The following THEM6 variants were observed in gnomAD, a reference collection of about 807,000 sequenced individuals.
The protein encoded by THEM6 is protein THEM6.
A neutral mutation model predicts 13.7 loss-of-function variants in THEM6; 10 were observed. The observed-to-expected ratio is 0.73, with a 90% CI of 0.45 to 1.24. THEM6 has a LOEUF of 1.24. THEM6 is among the 50% of genes most tolerant of loss of function. The probability of loss-of-function intolerance (pLI) is 0.00; values close to 1 mark genes in which losing one functional copy is unlikely to be tolerated. For missense variants in THEM6, 317 were observed against 312.6 expected (o/e 1.01, Z -0.11); for synonymous variants, 161 against 156.0 (o/e 1.03, Z -0.24).
chr8:142,728,376 T>C (rs587772082), intron 1 of THEM6, among the ~76,000 whole-genome samples: 2 of 152,330 alleles, frequency 1.3e-5, no homozygotes, highest in African/African-American at 4.8e-5. Flanking sequence ...CTTCTGGCCT[T>C]TCTGCAGTTG....
chr8:142,733,361 TTAA>T (rs1195050983), intron 1 of THEM6, among the ~76,000 whole-genome samples: 1 of 152,234 alleles, frequency 6.6e-6, no homozygotes, highest in Non-Finnish European at 1.5e-5. Context: ...TAGCAGATAT[TTAA>T]TAATGTTAGC....
intron 1 of THEM6, among the ~76,000 whole-genome samples, 184 bp downstream of exon 1, chr8:142,728,043 C>T (rs1163825617): frequency 2.0e-5 from 3 of 152,172 alleles, no homozygotes; most frequent in Non-Finnish European, 4.4e-5. Context: ...CTCACTGATG[C>T]CTTTGTTCGT....
At position 142,732,909 on chromosome 8, in the gene THEM6, C is replaced by T. The variant is rs587598628; in HGVS notation, c.514-2417C>T. On this transcript the variant is annotated intron_variant, in intron 1 of 1. Transcript: ENST00000336138. ...CAAATTGTTTGAAATGCTTGTTCCC[C>T]GGTGCCGTAAAGAAACAGCAGTTGA... Among the ~76,000 whole-genome samples, 9 of 152,224 alleles carry T rather than the reference C, an allele frequency of 5.9e-5. No homozygotes were observed. The East Asian group carries it at 7.7e-4, about 13-fold the overall frequency.
At chr8:142,730,279 G>A (rs1234478840) in intron 1 of THEM6, among the ~76,000 whole-genome samples, 1 of 152,142 alleles carries the variant, frequency 6.6e-6, no homozygotes, top group African/African-American at 2.4e-5. Flanking sequence ...ATAAAATAGG[G>A]TTCTTCCCAG....
intron 1 of THEM6, among the ~76,000 whole-genome samples, chr8:142,731,220 C>G (rs1217590393): frequency 6.6e-6 from 1 of 152,144 alleles, no homozygotes; most frequent in Admixed American, 6.5e-5. Flanking sequence ...GCATGATACC[C>G]CTTTAGCTTT....
At position 142,727,297 on chromosome 8, in the gene THEM6, C is replaced by T. The variant is rs587607962; in HGVS notation, c.-50C>T. ...GCACCGTAACCAGCGCCGCGGACAC[C>T]GGCACCGGCGCCACGGACTCCGCAG... On this transcript the variant is annotated 5_prime_UTR_variant, in exon 1 of 2. Coordinates refer to ENST00000336138, the MANE Select transcript of THEM6 (RefSeq NM_016647.3). 38 of 1,421,250 alleles carry T rather than the reference C, an allele frequency of 2.7e-5. No individual in the cohort carries two copies. The highest frequency in any genetic ancestry group is 3.4e-5 in the Non-Finnish European group (37 of 1,096,592). 88.0% of individuals were successfully genotyped at this position (1,421,250 alleles called of 1,614,324 possible). A position where few individuals can be genotyped will look rare whatever the true frequency, so the allele number is the denominator to read the frequency against.
chr8:142,735,285 G>C (rs1386248847), intron 1 of THEM6, 41 bp from the exon 2 acceptor site: 2 of 1,451,544 alleles, frequency 1.4e-6, no homozygotes, highest in African/African-American at 2.8e-5. Context: ...GAGGTGGGAA[G>C]GCCGTAGCTT....
intron 1 of THEM6, among the ~76,000 whole-genome samples, chr8:142,731,420 T>A (rs187020780): frequency 6.0e-4 from 91 of 152,352 alleles, no homozygotes; most frequent in Admixed American, 1.1e-3. Context: ...TGTTTTTTTT[T>A]AAATAATTTT....
In THEM6 at chr8:142,735,316, T is replaced by A. The variant is rs760630228; in HGVS notation, c.514-10T>A. On this transcript the variant is annotated splice_polypyrimidine_tract_variant and intron_variant, in intron 1 of 1. Coordinates refer to ENST00000336138, the MANE Select transcript of THEM6 (RefSeq NM_016647.3). Reference sequence around the variant, plus strand: ...AGCTTAGCTGGGTGTCCCCTTTCTGTCCTCTGCAGGTGGAGCCCCCTGAGC... The same window carrying A: ...AGCTTAGCTGGGTGTCCCCTTTCTGACCTCTGCAGGTGGAGCCCCCTGAGC... 1 of 1,549,230 alleles carries A rather than the reference T, an allele frequency of 6.5e-7. No homozygotes were observed. The highest frequency in any genetic ancestry group is 1.7e-4 in the Middle Eastern group (1 of 5,978).
chr8:142,728,974 C>CT (rs1815584874), intron 1 of THEM6, among the ~76,000 whole-genome samples: 1 of 125,512 alleles, frequency 8.0e-6, no homozygotes, highest in African/African-American at 3.0e-5. Context: ...GATTCTCACT[C>CT]TGTCGCCCAG....
In THEM6 at chr8:142,727,761, A is replaced by C; in HGVS notation, c.415A>C (p.Ser139Arg). ...GTTCTACCTGGAGGCGCGCTTTGTC[A>C]GCCTGCGGGACGGCTTCGTGTGCGC... is the stretch of plus-strand genomic sequence containing the variant. ...RAFYLEARFVSLRDGFVCALL... is the reference protein window; with the variant it reads ...RAFYLEARFVRLRDGFVCALL... The change falls in exon 1 of 2, where the codon AGC becomes CGC. Residue 139 changes from serine (S) to arginine (R), a missense_variant. Coordinates refer to ENST00000336138, the MANE Select transcript of THEM6 (RefSeq NM_016647.3). The C allele has an allele frequency of 6.9e-7, 1 of 1,454,308 alleles. No homozygotes were observed. The highest frequency in any genetic ancestry group is 1.4e-5 in the South Asian group (1 of 72,926). The allele number at this position is 1,454,308 out of a possible 1,614,324, so 90.1% of individuals were successfully genotyped here.
rs781977021 is a variant in THEM6, at chr8:142,727,752, C to T, written c.406C>T (p.Arg136Cys). The T allele has an allele frequency of 2.5e-5, 37 of 1,452,176 alleles. No homozygotes were observed. In the East Asian group the frequency reaches 9.8e-4, roughly 38 times the overall value. The allele number at this position is 1,452,176 out of a possible 1,614,324, so 90.0% of individuals were successfully genotyped here. The change falls in exon 1 of 2, where the codon CGC becomes TGC. Residue 136 changes from arginine to cysteine, a missense_variant. Coordinates refer to ENST00000336138, the MANE Select transcript of THEM6 (RefSeq NM_016647.3). ...CGACCGCGCGTTCTACCTGGAGGCG[C>T]GCTTTGTCAGCCTGCGGGACGGCTT... ...WDDRAFYLEA[R>C]FVSLRDGFVC... is the part of the protein sequence containing the mutation.
Position 142,727,818 on chromosome 8 carries a change from A to G in THEM6, c.472A>G (p.Thr158Ala). Residue 158 changes from threonine to alanine, a missense_variant, in exon 1 of 2, where the codon ACC becomes GCC. Transcript: ENST00000336138. ...GCGCTTCCGGCAGCACCTGCTGGGC[A>G]CCTCACCCGAGCGCGTCGTGCAGCA... is the stretch of plus-strand genomic sequence containing the variant. ...LLRFRQHLLGTSPERVVQHLC... is the reference protein window; with the variant it reads ...LLRFRQHLLGASPERVVQHLC... 1 of 1,462,172 alleles carries G rather than the reference A, an allele frequency of 6.8e-7. No homozygotes were observed. The highest frequency in any genetic ancestry group is 1.3e-5 in the South Asian group (1 of 74,588). 90.6% of individuals were successfully genotyped at this position (1,462,172 alleles called of 1,614,324 possible).
rs76135265 is a variant in THEM6 at position 142,727,605 on chromosome 8, G to A, written c.259G>A (p.Val87Met). ...ARVAHLTRCGVLGALRELRAH... is the reference protein window; with the variant it reads ...ARVAHLTRCGMLGALRELRAH... The stretch of plus-strand genomic sequence containing the variant: ...CGTCGCGCACCTGACCCGCTGCGGG[G>A]TGCTCGGGGCGCTGAGGGAGTTGCG... Residue 87 changes from valine (V) to methionine (M), a missense_variant, in exon 1 of 2, where the codon GTG becomes ATG. Transcript: ENST00000336138. The A allele has an allele frequency of 6.3e-5, 95 of 1,509,590 alleles. No individual in the cohort carries two copies. The African/African-American group carries it at 1.3e-3, about 20-fold the overall frequency. 93.5% of individuals were successfully genotyped at this position (1,509,590 alleles called of 1,614,324 possible). A position where few individuals can be genotyped will look rare whatever the true frequency, so the allele number is the denominator to read the frequency against.
At chr8:142,727,982 G>A in intron 1 of THEM6, 123 bp downstream of exon 1, 1 of 1,154,528 alleles carries the variant, frequency 8.7e-7, no homozygotes, top group Non-Finnish European at 1.1e-6. Flanking sequence ...GGATACTGCT[G>A]GAGTCCTGCC....
At position 142,727,845 on chromosome 8, in the gene THEM6, C is replaced by G; in HGVS notation, c.499C>G (p.Leu167Val). ...CTCACCCGAGCGCGTCGTGCAGCAC[C>G]TGTGCCAGCGCAGGGTGAGCGGCCC... ...GTSPERVVQH[L>V]CQRRVEPPEL... Residue 167 changes from leucine to valine, a missense_variant, in exon 1 of 2, where the codon CTG (leucine) becomes GTG (valine). Transcript: ENST00000336138. 7.0e-7 allele frequency: 1 copy of G among 1,430,608 alleles called. No homozygotes were observed. Among genetic ancestry groups the G allele is most frequent in the Non-Finnish European group, 9.1e-7 (1 of 1,100,776 alleles). 88.6% of individuals were successfully genotyped at this position (1,430,608 alleles called of 1,614,324 possible).
In THEM6 at chr8:142,727,365, G is replaced by C; in HGVS notation, c.19G>C (p.Ala7Pro). The change falls in exon 1 of 2, where the codon GCG becomes CCG. Residue 7 changes from alanine (A) to proline (P), a missense_variant. Ala to Pro is a conservative substitution (Grantham distance 27). Transcript: ENST00000336138. Reference protein sequence around the residue: MLGLLVALLALGLAVFA... With the variant: MLGLLVPLLALGLAVFA... ...CGCCGCTATGCTGGGGCTGCTGGTG[G>C]CGTTGCTGGCCCTGGGGCTCGCTGT... The C allele has an allele frequency of 6.6e-7, 1 of 1,519,178 alleles. No homozygotes were observed. The highest frequency in any genetic ancestry group is 8.8e-7 in the Non-Finnish European group (1 of 1,140,202). The allele number at this position is 1,519,178 out of a possible 1,614,324, so 94.1% of individuals were successfully genotyped here. A position where few individuals can be genotyped will look rare whatever the true frequency, so the allele number is the denominator to read the frequency against.
intron 1 of THEM6, among the ~76,000 whole-genome samples, chr8:142,731,636 ATTTTAATCTC>A (rs1554642946): frequency 6.6e-6 from 1 of 151,350 alleles, no homozygotes; most frequent in Non-Finnish European, 1.5e-5. Flanking sequence ...TTCCCTCTGT[ATTTTAATCTC>A]TTTCTGTCTC....
In THEM6 at chr8:142,736,721, C is replaced by G. The variant is rs777501175; in HGVS notation, c.*1282C>G. On this transcript the variant is annotated 3_prime_UTR_variant, in exon 2 of 2. Coordinates refer to ENST00000336138, the MANE Select transcript of THEM6 (RefSeq NM_016647.3). ...AGGGCCCTGTGCCCGCTTGCCTGTT[C>G]CCCTACATCTGTGCCTGCACATCCA... is the stretch of plus-strand genomic sequence containing the variant. 2.6e-5 allele frequency: 4 copies of G among 152,358 alleles called. No individual in the cohort carries two copies. Among genetic ancestry groups the G allele is most frequent in the African/African-American group, 7.2e-5 (3 of 41,450 alleles). 9.4% of individuals were successfully genotyped at this position (152,358 alleles called of 1,614,324 possible). A position where few individuals can be genotyped will look rare whatever the true frequency, so the allele number is the denominator to read the frequency against.
Sources: allele counts gnomAD v4.1 joint callset (sites outside exome capture counted in the v4.1 genomes callset), GRCh38; gene constraint gnomAD v4.1.1; transcripts MANE v1.5; gene names NCBI Gene and HGNC (gene_info 2026-07-23, HGNC 2026-07-21).